Variants in PPP1R9A observed in about 807,000 individuals in gnomAD.
PPP1R9A encodes protein phosphatase 1 regulatory subunit 9A.
In PPP1R9A, 59 loss-of-function variants were observed where a neutral mutation model predicts 141.9. The ratio of observed to expected loss-of-function variants is 0.42; its 90% confidence interval spans 0.34 to 0.52. PPP1R9A has a LOEUF of 0.52. PPP1R9A is among the 20% of genes least tolerant of loss of function. The probability of loss-of-function intolerance (pLI) is 0.10; values close to 1 mark genes in which losing one functional copy is unlikely to be tolerated. For missense variants in PPP1R9A, 1,444 were observed against 1,611.9 expected, an observed-to-expected ratio of 0.90 and a Z score of 1.78; for synonymous variants, 500 against 569.7, an observed-to-expected ratio of 0.88 and a Z score of 1.74.
chr7:95,247,876 T>A (rs562424886), intron 9 of PPP1R9A, among the ~76,000 whole-genome samples: 4 of 152,198 alleles, frequency 2.6e-5, no homozygotes, highest in Non-Finnish European at 5.9e-5. Flanking sequence ...TCACTTACCT[T>A]ATTATAAATA....
At chr7:95,216,319 G>A (rs1270250410) in intron 7 of PPP1R9A, among the ~76,000 whole-genome samples, 2 of 152,102 alleles carry the variant, frequency 1.3e-5, no homozygotes, top group African/African-American at 4.8e-5. Flanking sequence ...TGTTCCATTG[G>A]TCTATATGTC....
At chr7:95,244,631 C>T (rs1433314856) in intron 8 of PPP1R9A, among the ~76,000 whole-genome samples, 1 of 152,170 alleles carries the variant, frequency 6.6e-6, no homozygotes, top group African/African-American at 2.4e-5. Context: ...GCCCATAGTG[C>T]AGTGTTCACT....
At chr7:95,068,241 G>GA (rs1346078131) in intron 2 of PPP1R9A, among the ~76,000 whole-genome samples, 1 of 151,858 alleles carries the variant, frequency 6.6e-6, no homozygotes, top group African/African-American at 2.4e-5. Flanking sequence ...AGGCCGAGGT[G>GA]GGCAGATCAT....
intron 2 of PPP1R9A, among the ~76,000 whole-genome samples, chr7:95,084,811 C>A (rs964323343): frequency 1.7e-4 from 26 of 151,886 alleles, no homozygotes; most frequent in Non-Finnish European, 2.9e-5. Flanking sequence ...AATTTGTAAT[C>A]ATTTTCTTGT....
intron 2 of PPP1R9A, among the ~76,000 whole-genome samples, chr7:94,924,738 C>T (rs943436000): frequency 6.6e-6 from 1 of 152,046 alleles, no homozygotes; most frequent in Admixed American, 6.5e-5. Context: ...CCATGTTGGC[C>T]AGGCTGGTCT....
intron 2 of PPP1R9A, among the ~76,000 whole-genome samples, chr7:94,977,764 C>CT (rs370362125): frequency 0.022 from 2,864 of 131,300 alleles, 74 homozygotes; most frequent in African/African-American, 0.069. Context: ...TTTTCATTTT[C>CT]TTTTTTTTTT....
chr7:95,288,404 AACCATTAGCTT>A, intron 18 of PPP1R9A, 121 bp from the exon 19 acceptor site: 1 of 1,305,510 alleles, frequency 7.7e-7, no homozygotes, highest in Admixed American at 3.1e-5. Context: ...ACACCACTAG[AACCATTAGCTT>A]ATCATATTTT....
intron 2 of PPP1R9A, among the ~76,000 whole-genome samples, chr7:94,958,262 G>A (rs1318231983): frequency 6.7e-6 from 1 of 150,054 alleles, no homozygotes; most frequent in Non-Finnish European, 1.5e-5. Context: ...GACCTCCCCT[G>A]TTCTGCAGTT....
intron 5 of PPP1R9A, among the ~76,000 whole-genome samples, chr7:95,173,518 G>A (rs750329626): frequency 1.4e-4 from 22 of 151,744 alleles, no homozygotes; most frequent in Non-Finnish European, 2.1e-4. Context: ...GATAAACTGC[G>A]TCAAAATTTA....
At chr7:94,984,227 G>A (rs751235413) in intron 2 of PPP1R9A, among the ~76,000 whole-genome samples, 2 of 152,094 alleles carry the variant, frequency 1.3e-5, no homozygotes, top group African/African-American at 4.8e-5. Flanking sequence ...GCTGGATTCG[G>A]TTTGCCAATA....
At chr7:95,027,913 CAT>C (rs1239174376) in intron 2 of PPP1R9A, among the ~76,000 whole-genome samples, 3 of 152,130 alleles carry the variant, frequency 2.0e-5, no homozygotes, top group African/African-American at 7.2e-5. Context: ...CTGCATGCCT[CAT>C]GTGACTGTAT....
chr7:95,207,904 A>G (rs1051286143), intron 7 of PPP1R9A, among the ~76,000 whole-genome samples: 24 of 152,194 alleles, frequency 1.6e-4, no homozygotes, highest in Admixed American at 3.3e-4. Flanking sequence ...AGAGCTTCAT[A>G]GAGAAAAACA....
At chr7:94,985,344 TG>T (rs1414124196) in intron 2 of PPP1R9A, among the ~76,000 whole-genome samples, 1 of 152,188 alleles carries the variant, frequency 6.6e-6, no homozygotes, top group East Asian at 1.9e-4. Context: ...TAGGTCTGCT[TG>T]GTGCAGAGCT....
Position 95,247,505 on chromosome 7 carries a change from G to A in PPP1R9A, c.2145G>A (p.Glu715=). Residue 715 remains glutamate, a synonymous_variant, in exon 9 of 20, where the codon GAG becomes GAA. Transcript: ENST00000433360. ...LQIKHAVTEA[E]IQKLKTKLQA... ...TCAAACATGCAGTTACAGAAGCAGAGATTCAAAAATTGAAGACCAAGGTAA... is the reference window on the plus strand; with the variant it reads ...TCAAACATGCAGTTACAGAAGCAGAAATTCAAAAATTGAAGACCAAGGTAA... 5 of 1,608,982 alleles carry A rather than the reference G, an allele frequency of 3.1e-6. No individual in the cohort carries two copies. The Middle Eastern group carries it at 5.2e-4, about 166-fold the overall frequency.
chr7:94,994,571 T>G (rs1801923454), intron 2 of PPP1R9A, among the ~76,000 whole-genome samples: 1 of 152,158 alleles, frequency 6.6e-6, no homozygotes. Flanking sequence ...TTTTAAGTTA[T>G]TAATTTGGTT....
intron 2 of PPP1R9A, among the ~76,000 whole-genome samples, chr7:94,992,673 A>G (rs1376187869): frequency 6.6e-6 from 1 of 152,194 alleles, no homozygotes; most frequent in Non-Finnish European, 1.5e-5. Flanking sequence ...TGTAATAGAT[A>G]TGTAGTAGAA....
At chr7:95,043,016 A>G (rs1230631471) in intron 2 of PPP1R9A, among the ~76,000 whole-genome samples, 1 of 152,192 alleles carries the variant, frequency 6.6e-6, no homozygotes, top group African/African-American at 2.4e-5. Flanking sequence ...TCTCCACACA[A>G]GTAAGATACA....
intron 7 of PPP1R9A, among the ~76,000 whole-genome samples, chr7:95,207,386 G>C (rs1230402866): frequency 1.3e-5 from 2 of 152,068 alleles, no homozygotes; most frequent in African/African-American, 4.8e-5. Flanking sequence ...GTAAAACTTT[G>C]ACAGTGTGAG....
At position 95,082,804 on chromosome 7, in the gene PPP1R9A, C is replaced by T. The variant is rs188921870; in HGVS notation, c.1396-28455C>T. ...TTTTTTTTTTTGAGACGGAGTCTTG[C>T]TCTGTTGCCCAGGCGAACTCGGCTC... On this transcript the variant is annotated intron_variant, in intron 2 of 19. Coordinates refer to ENST00000433360, the MANE Select transcript of PPP1R9A (RefSeq NM_001166160.2). Among the ~76,000 whole-genome samples the T allele has an allele frequency of 1.0e-3, 127 of 126,760 alleles. 4 individuals are homozygous for T. The highest frequency in any genetic ancestry group is 0.011 in the Middle Eastern group (2 of 184). The allele number at this position is 126,760 out of a possible 152,430, so 83.2% of individuals were successfully genotyped here.
Sources: gnomAD v4.1 joint callset for allele counts (sites outside exome capture counted in the v4.1 genomes callset) on GRCh38, gnomAD v4.1.1 for gene constraint, MANE v1.5 for transcripts, NCBI Gene and HGNC (gene_info 2026-07-23, HGNC 2026-07-21) for gene names.